COL11A2: variants seen among roughly 807,000 people sequenced by gnomAD.
COL11A2 encodes collagen alpha-2(XI) chain.
In COL11A2, 116 loss-of-function variants were observed where a neutral mutation model predicts 273.4. That is an observed-to-expected ratio of 0.42 (90% CI 0.36 to 0.49). The LOEUF is 0.49. Among genes scored for constraint, COL11A2 ranks in the 20% least tolerant of loss-of-function variants. COL11A2 has a pLI of 0.00. For missense variants in COL11A2, 1,866 were observed against 2,309.0 expected, an observed-to-expected ratio of 0.81 and a Z score of 3.93; for synonymous variants, 782 against 864.2, an observed-to-expected ratio of 0.90 and a Z score of 1.67.
intron 8 of COL11A2, among the ~76,000 whole-genome samples, chr6:33,182,450 G>A (rs1414620471): frequency 6.6e-6 from 1 of 152,156 alleles, no homozygotes; most frequent in Non-Finnish European, 1.5e-5. Context: ...GGTGGCGCAC[G>A]CCTGTAATCC....
Position 33,172,297 on chromosome 6 carries a change from C to G in COL11A2, c.2980G>C (p.Gly994Arg). 1 of 1,585,454 alleles carries G rather than the reference C, an allele frequency of 6.3e-7. No individual in the cohort carries two copies. The highest frequency in any genetic ancestry group is 8.6e-7 in the Non-Finnish European group (1 of 1,166,454). ...CTGGGAGTCACACTCACAGCAGTGC[C>G]TGGGAGGCCTCTCTCTCCTGGGAAT... is the stretch of plus-strand genomic sequence containing the variant. ...RGFPGERGLP[G>R]TAGGPGLKGN... Residue 994 changes from glycine (G) to arginine (R), a missense_variant, in exon 40 of 66, where the codon GGC (glycine) becomes CGC (arginine). Transcript: ENST00000341947.
chr6:33,174,855 C>T (rs1181924454), intron 30 of COL11A2, among the ~76,000 whole-genome samples: 2 of 152,122 alleles, frequency 1.3e-5, no homozygotes, highest in Non-Finnish European at 2.9e-5. Flanking sequence ...GATCTAGCTG[C>T]TTCCCACATG....
At position 33,164,448 on chromosome 6, in the gene COL11A2, G is replaced by T; in HGVS notation, c.4889C>A (p.Ser1630Tyr). The change falls in exon 65 of 66, where the codon TCC (serine) becomes TAC (tyrosine). Residue 1630 changes from serine (S) to tyrosine (Y), a missense_variant. Physicochemically the swap from Ser to Tyr is moderately radical, Grantham distance 144. Transcript: ENST00000341947. The surrounding 1 kb of genome is among the most constrained non-coding windows in gnomAD (Gnocchi z 4.7). Reference protein sequence around the residue: ...TQFSYVDSEGSPVGVVQLTFL... With the variant: ...TQFSYVDSEGYPVGVVQLTFL... The stretch of plus-strand genomic sequence containing the variant: ...GGTGAGCTGGACCACACCCACTGGG[G>T]AGCCCTCTGAGTCCACGTAAGAGAA... 1 of 1,571,484 alleles carries T rather than the reference G, an allele frequency of 6.4e-7. No homozygotes were observed. Among genetic ancestry groups the T allele is most frequent in the Non-Finnish European group, 8.6e-7 (1 of 1,157,558 alleles).
rs201638200 is a variant in COL11A2 at position 33,164,829 on chromosome 6, G to A, written c.4863+23C>T. 4.0e-3 allele frequency: 6,116 copies of A among 1,542,454 alleles called. 254 individuals carry two copies. The South Asian group carries it at 0.064, about 16-fold the overall frequency. ...GGGGTGCACTATGGGGCAGGGGAGG[G>A]GCAGCGAGGGGCCAGCTCTCACCTG... On this transcript the variant is annotated intron_variant, in intron 64 of 65. Coordinates refer to ENST00000341947, the MANE Select transcript of COL11A2 (RefSeq NM_080680.3). This position sits in a 1 kb window ranked among gnomAD's most constrained non-coding sequence, Gnocchi z 4.7.
intron 39 of COL11A2, 69 bp downstream of exon 39, chr6:33,172,461 A>G: frequency 6.4e-7 from 1 of 1,565,570 alleles, no homozygotes; most frequent in South Asian, 1.1e-5. Flanking sequence ...CAAATCTCCA[A>G]CTACCTGTTC....
chr6:33,169,706 G>T lies in COL11A2; in HGVS notation c.3690+125C>A. 7.8e-7 allele frequency: 1 copy of T among 1,275,228 alleles called. No individual in the cohort carries two copies. The highest frequency in any genetic ancestry group is 1.1e-6 in the Non-Finnish European group (1 of 872,578). The allele number at this position is 1,275,228 out of a possible 1,614,324, so 79.0% of individuals were successfully genotyped here. ...AGACCAGGGATCAGGCCTCATAGAGGATGGCAGGGAGCAGAGACTCTTGCT... is the reference window on the plus strand; with the variant it reads ...AGACCAGGGATCAGGCCTCATAGAGTATGGCAGGGAGCAGAGACTCTTGCT... On this transcript the variant is annotated intron_variant, in intron 50 of 65. Transcript: ENST00000341947. The surrounding 1 kb of genome is among the most constrained non-coding windows in gnomAD (Gnocchi z 5.5).
rs1475898236 is a variant in COL11A2, at chr6:33,179,762, G to A, written c.1403C>T (p.Ala468Val). 6.2e-6 allele frequency: 10 copies of A among 1,611,728 alleles called. No individual in the cohort carries two copies. Among genetic ancestry groups the A allele is most frequent in the East Asian group, 2.2e-5 (1 of 44,884 alleles). ...CGCCTGGGCCTGAGCCTCCTGGGCC[G>A]CCACCACAGGGCCCTTGTCACCCCC... ...SGGGDKGPVV[A>V]AQEAQAQAIL... is the part of the protein sequence containing the mutation. The change falls in exon 13 of 66, where the codon GCG becomes GTG. Residue 468 changes from alanine (A) to valine (V), a missense_variant. Transcript: ENST00000341947. The surrounding 1 kb of genome is among the most constrained non-coding windows in gnomAD (Gnocchi z 6.4).
At chr6:33,182,326 A>G (rs1244476397) in intron 8 of COL11A2, among the ~76,000 whole-genome samples, 3 of 152,244 alleles carry the variant, frequency 2.0e-5, no homozygotes, top group Non-Finnish European at 4.4e-5. Context: ...CAGAAATGAA[A>G]AAGTATATGC....
chr6:33,167,993 C>G lies in COL11A2; in HGVS notation c.3961-141G>C, dbSNP rs1240411833. On this transcript the variant is annotated intron_variant, in intron 54 of 65. Transcript: ENST00000341947. This position sits in a 1 kb window ranked among gnomAD's most constrained non-coding sequence, Gnocchi z 6.1. ...GGGACACGCGCCGAGGGCCGATTCA[C>G]AGATGTGCAGAACAGATACAGCTGT... 2.4e-6 allele frequency: 2 copies of G among 847,524 alleles called. No homozygotes were observed. Among genetic ancestry groups the G allele is most frequent in the African/African-American group, 1.7e-5 (1 of 60,022 alleles). The allele number at this position is 847,524 out of a possible 1,614,324, so 52.5% of individuals were successfully genotyped here. A position where few individuals can be genotyped will look rare whatever the true frequency, so the allele number is the denominator to read the frequency against.
rs1298438522 is a variant in COL11A2, at chr6:33,178,506, T to TC, written c.1720-19dup. ...GTATCACCCTGCAAAATGGGGGAAC[T>TC]CATAAGAGGGGCTTCAGAGCCCCCA... On this transcript the variant is annotated intron_variant, in intron 18 of 65. Coordinates refer to ENST00000341947, the MANE Select transcript of COL11A2 (RefSeq NM_080680.3). This position sits in a 1 kb window ranked among gnomAD's most constrained non-coding sequence, Gnocchi z 4.6. The TC allele has an allele frequency of 6.2e-7, 1 of 1,612,770 alleles. No individual in the cohort carries two copies.
In COL11A2 at chr6:33,192,295, G is replaced by A; in HGVS notation, c.-55C>T. The A allele has an allele frequency of 6.7e-7, 1 of 1,495,216 alleles. No homozygotes were observed. The highest frequency in any genetic ancestry group is 9.1e-7 in the Non-Finnish European group (1 of 1,099,504). 92.6% of individuals were successfully genotyped at this position (1,495,216 alleles called of 1,614,324 possible). A position where few individuals can be genotyped will look rare whatever the true frequency, so the allele number is the denominator to read the frequency against. On this transcript the variant is annotated 5_prime_UTR_variant, in exon 1 of 66. Transcript: ENST00000341947. ...GGACCCAGGTCGGCCTGAGACGCTGGATGCCCTGAGGCTGACAGAAGACAG... is the reference window on the plus strand; with the variant it reads ...GGACCCAGGTCGGCCTGAGACGCTGAATGCCCTGAGGCTGACAGAAGACAG...
chr6:33,192,374 G>T lies in COL11A2; in HGVS notation c.-134C>A. The T allele has an allele frequency of 3.4e-6, 3 of 871,428 alleles. No individual in the cohort carries two copies. The highest frequency in any genetic ancestry group is 5.5e-6 in the Non-Finnish European group (3 of 543,882). The allele number at this position is 871,428 out of a possible 1,614,324, so 54.0% of individuals were successfully genotyped here. ...GGTCCCAGGGAGGTCAGAGGCTGCG[G>T]GCAGCGACAGCTGTCAGCGGCCCAG... On this transcript the variant is annotated 5_prime_UTR_variant, in exon 1 of 66. Transcript: ENST00000341947.
rs1057341966 is a variant in COL11A2 at position 33,163,787 on chromosome 6, C to T, written c.5102G>A (p.Arg1701Gln). 5.0e-6 allele frequency: 8 copies of T among 1,612,914 alleles called. No individual in the cohort carries two copies. Among genetic ancestry groups the T allele is most frequent in the South Asian group, 2.2e-5 (2 of 91,072 alleles). Residue 1701 changes from arginine to glutamine, a missense_variant, in exon 66 of 66, where the codon CGA (arginine) becomes CAA (glutamine). Arg to Gln is a conservative substitution (Grantham distance 43). Coordinates refer to ENST00000341947, the MANE Select transcript of COL11A2 (RefSeq NM_080680.3). The surrounding 1 kb of genome is among the most constrained non-coding windows in gnomAD (Gnocchi z 4.1). ...TGGCAGCTGCTCCAGCACAGGCGTT[C>T]GCACCTCCAGCACCGTCCGGCCTTG... is the stretch of plus-strand genomic sequence containing the variant. ...TQQGRTVLEV[R>Q]TPVLEQLPVL...
rs970615748 is a variant in COL11A2 at position 33,184,231 on chromosome 6, C to T, written c.1033G>A (p.Asp345Asn). The stretch of plus-strand genomic sequence containing the variant: ...TCATCCCCATAGCCATAGGTGTAAT[C>T]GTAGGGCCCTTCAGGGGGGTCTGTG... The part of the protein sequence containing the change: ...GGTDPPEGPY[D>N]YTYGYGDDYR... Residue 345 changes from aspartate to asparagine, a missense_variant, in exon 8 of 66, where the codon GAT (aspartate) becomes AAT (asparagine). Transcript: ENST00000341947. 7.3e-7 allele frequency: 1 copy of T among 1,367,624 alleles called. No homozygotes were observed. The highest frequency in any genetic ancestry group is 9.8e-7 in the Non-Finnish European group (1 of 1,021,984). 84.7% of individuals were successfully genotyped at this position (1,367,624 alleles called of 1,614,324 possible).
Position 33,189,502 on chromosome 6 carries a change from C to T in COL11A2, c.83-33G>A. ...AGTCCATGATTATCAGGAGAAGGGA[C>T]ATGCCCTCAGGAGGGCATAAATAGG... is the stretch of plus-strand genomic sequence containing the variant. On this transcript the variant is annotated intron_variant, in intron 1 of 65. Transcript: ENST00000341947. The surrounding 1 kb of genome is among the most constrained non-coding windows in gnomAD (Gnocchi z 5.6). 2 of 1,612,422 alleles carry T rather than the reference C, an allele frequency of 1.2e-6. No homozygotes were observed. Among genetic ancestry groups the T allele is most frequent in the Non-Finnish European group, 1.7e-6 (2 of 1,179,568 alleles).
At chr6:33,175,726 G>T in intron 29 of COL11A2, 45 bp from the exon 30 acceptor site, 8 of 1,570,250 alleles carry the variant, frequency 5.1e-6, no homozygotes, top group East Asian at 2.2e-5. Context: ...ACTGGAGGTG[G>T]GCTCTGGGCC....
chr6:33,167,117 G>A lies in COL11A2; in HGVS notation c.4183C>T (p.Pro1395Ser). The A allele has an allele frequency of 1.2e-6, 2 of 1,614,108 alleles. No individual in the cohort carries two copies. Among genetic ancestry groups the A allele is most frequent in the Non-Finnish European group, 1.7e-6 (2 of 1,179,994 alleles). Reference sequence around the variant, plus strand: ...TCGCCCCGGAGACCAGGCAGCCCTGGGGGTCCCTGTGGAGAGATGGGAAGT... The same window carrying A: ...TCGCCCCGGAGACCAGGCAGCCCTGAGGGTCCCTGTGGAGAGATGGGAAGT... The part of the protein sequence containing the change: ...QAGPPGPVGP[P>S]GLPGLRGDAG... Residue 1395 changes from proline (P) to serine (S), a missense_variant, in exon 58 of 66, where the codon CCA becomes TCA. Coordinates refer to ENST00000341947, the MANE Select transcript of COL11A2 (RefSeq NM_080680.3). This position sits in a 1 kb window ranked among gnomAD's most constrained non-coding sequence, Gnocchi z 6.1.
chr6:33,181,672 G>A (rs1318500163), intron 8 of COL11A2, among the ~76,000 whole-genome samples: 2 of 151,962 alleles, frequency 1.3e-5, no homozygotes, highest in African/African-American at 4.8e-5. Context: ...TTTTATTAGA[G>A]ATGGGGTTTC....
rs55899616 is a variant in COL11A2 at position 33,166,971 on chromosome 6, C to T, written c.4230+99G>A. On this transcript the variant is annotated intron_variant, in intron 58 of 65. Transcript: ENST00000341947. This position sits in a 1 kb window ranked among gnomAD's most constrained non-coding sequence, Gnocchi z 4.8. The stretch of plus-strand genomic sequence containing the variant: ...GCAGGGACTCCCTGGGACTGGCTGC[C>T]GGAGGCCTGAAGCAGAGCAGTGGGC... 1.0e-5 allele frequency: 16 copies of T among 1,564,638 alleles called. No individual in the cohort carries two copies. The South Asian group carries it at 1.1e-4, about 11-fold the overall frequency.
Sources: gnomAD v4.1 joint callset for allele counts (sites outside exome capture counted in the v4.1 genomes callset) on GRCh38, gnomAD v4.1.1 for gene constraint, Gnocchi (gnomAD v3.1) non-coding constraint, MANE v1.5 for transcripts, NCBI Gene and HGNC (gene_info 2026-07-23, HGNC 2026-07-21) for gene names.